Variants in ZNF827 observed in about 807,000 individuals in gnomAD.
The protein encoded by ZNF827 is zinc finger protein 827.
ZNF827 carries 13 observed loss-of-function variants against 102.4 expected under a neutral mutation model. That is an observed-to-expected ratio of 0.13 (90% CI 0.08 to 0.20). The LOEUF (loss-of-function observed/expected upper bound fraction) is 0.20. Ranked by LOEUF, ZNF827 falls within the 10% of genes least tolerant of loss-of-function variation. The probability of loss-of-function intolerance (pLI) is 1.00; values close to 1 mark genes in which losing one functional copy is unlikely to be tolerated. For synonymous variants in ZNF827, 523 were observed against 536.2 expected (o/e 0.98, Z 0.34); for missense variants, 1,103 against 1,344.4 (o/e 0.82, Z 2.81).
intron 13 of ZNF827, among the ~76,000 whole-genome samples, chr4:145,764,394 A>G (rs1188365924): frequency 6.6e-6 from 1 of 152,224 alleles, no homozygotes; most frequent in Non-Finnish European, 1.5e-5. Context: ...GATTGGTCTC[A>G]CTTGAGACCA....
At chr4:145,876,561 C>G (rs1749170846) in intron 4 of ZNF827, 1 of 152,166 alleles carries the variant, frequency 6.6e-6, no homozygotes, top group Non-Finnish European at 1.5e-5. Flanking sequence ...GGGTAACACA[C>G]CAAGTATTTA....
At chr4:145,937,677 G>T (rs1237717769) in intron 1 of ZNF827, among the ~76,000 whole-genome samples, 2 of 94,332 alleles carry the variant, frequency 2.1e-5, no homozygotes, top group Non-Finnish European at 4.3e-5. Context: ...AGCCGCTCCC[G>T]CCTCGCCCGC....
intron 3 of ZNF827, among the ~76,000 whole-genome samples, chr4:145,889,671 A>C (rs1467996839): frequency 1.3e-5 from 2 of 151,756 alleles, no homozygotes; most frequent in Admixed American, 1.3e-4. Context: ...TCTTAGGCAG[A>C]ATTCATTAAG....
rs564448625 is a variant in ZNF827 at position 145,853,745 on chromosome 4, G to T, written c.1982-4184C>A. On this transcript the variant is annotated intron_variant, in intron 5 of 14. Coordinates refer to ENST00000508784, the MANE Select transcript of ZNF827 (RefSeq NM_001306215.2). ...TTCAGGAGGCTGAGGTGTATGGATT[G>T]CATGAACCCAGCAGTTTGGAGACCA... 3.9e-5 allele frequency among the ~76,000 whole-genome samples: 6 copies of T among 152,266 alleles called. No homozygotes were observed. In the South Asian group the frequency reaches 1.2e-3, roughly 32 times the overall value.
intron 1 of ZNF827, among the ~76,000 whole-genome samples, chr4:145,936,200 C>T (rs1057242898): frequency 6.6e-6 from 1 of 151,852 alleles, no homozygotes; most frequent in South Asian, 2.1e-4. Flanking sequence ...GACAAGAGCC[C>T]GGCAGCGGGG....
intron 8 of ZNF827, among the ~76,000 whole-genome samples, chr4:145,780,147 C>T (rs774971671): frequency 5.3e-5 from 8 of 152,076 alleles, no homozygotes; most frequent in Non-Finnish European, 1.0e-4. Flanking sequence ...GCTGAGATCA[C>T]GCCACTGCAC....
At chr4:145,859,793 C>T (rs1486434220) in intron 5 of ZNF827, among the ~76,000 whole-genome samples, 3 of 152,134 alleles carry the variant, frequency 2.0e-5, no homozygotes, top group African/African-American at 7.2e-5. Context: ...ACCCTAGTCA[C>T]TGAACACTCA....
intron 3 of ZNF827, among the ~76,000 whole-genome samples, chr4:145,890,424 C>T (rs1454332720): frequency 2.6e-5 from 4 of 152,130 alleles, no homozygotes; most frequent in Non-Finnish European, 5.9e-5. Context: ...CATGGCCGGC[C>T]GTCTGTGTCA....
At position 145,848,055 on chromosome 4, in the gene ZNF827, A is replaced by C. The variant is rs1746154696; in HGVS notation, c.2221+1267T>G. On this transcript the variant is annotated intron_variant, in intron 6 of 14. Coordinates refer to ENST00000508784, the MANE Select transcript of ZNF827 (RefSeq NM_001306215.2). The stretch of plus-strand genomic sequence containing the variant: ...ACCCAAACTTTTTAGCTGATAGGAG[A>C]CTGCGACAGCATACGGTTTAGAGAG... 6.6e-5 allele frequency among the ~76,000 whole-genome samples: 10 copies of C among 152,162 alleles called. 1 individual carries two copies. Among genetic ancestry groups the C allele is most frequent in the Admixed American group, 6.5e-4 (10 of 15,276 alleles).
chr4:145,878,750 CGGAAGGAA>C (rs996501573), intron 4 of ZNF827, among the ~76,000 whole-genome samples: 5 of 95,858 alleles, frequency 5.2e-5, no homozygotes, highest in African/African-American at 7.7e-5. Context: ...GGAGGAAGGG[CGGAAGGAA>C]GGAAGGAAGG....
chr4:145,826,063 C>T (rs949568577), intron 7 of ZNF827, among the ~76,000 whole-genome samples: 6 of 152,160 alleles, frequency 3.9e-5, no homozygotes, highest in Non-Finnish European at 5.9e-5. Context: ...AACAGGGAAT[C>T]GGTCTCAGAC....
chr4:145,885,937 C>G lies in ZNF827; in HGVS notation c.1488G>C (p.Glu496Asp). ...LGQQREGGGT[E>D]LVGTMMTSNT... The stretch of plus-strand genomic sequence containing the variant: ...TAGACGTCATCATGGTCCCCACTAG[C>G]TCTGTCCCTCCTCCTTCCCTTTGCT... Residue 496 changes from glutamate to aspartate, a missense_variant, in exon 4 of 15, where the codon GAG (glutamate) becomes GAC (aspartate). Coordinates refer to ENST00000508784, the MANE Select transcript of ZNF827 (RefSeq NM_001306215.2). 1.2e-6 allele frequency: 2 copies of G among 1,614,174 alleles called. No individual in the cohort carries two copies. The highest frequency in any genetic ancestry group is 1.7e-6 in the Non-Finnish European group (2 of 1,180,018).
Position 145,915,142 on chromosome 4 carries a change from A to G in ZNF827, c.44-11927T>C, listed in dbSNP as rs574549356. ...GCAAGAGCAAGAGATGGCCAAATTC[A>G]CTTTTATAAAAACTCATTCTCTTGG... On this transcript the variant is annotated intron_variant, in intron 1 of 14. Coordinates refer to ENST00000508784, the MANE Select transcript of ZNF827 (RefSeq NM_001306215.2). 5.3e-5 allele frequency among the ~76,000 whole-genome samples: 8 copies of G among 152,216 alleles called. No homozygotes were observed. The East Asian group carries it at 1.5e-3, about 29-fold the overall frequency.
chr4:145,822,028 G>A (rs1743190556), intron 8 of ZNF827, among the ~76,000 whole-genome samples: 2 of 152,086 alleles, frequency 1.3e-5, no homozygotes, highest in Non-Finnish European at 2.9e-5. Context: ...TTAACAGCAG[G>A]GCAATAATTT....
At chr4:145,915,809 T>C (rs1041182596) in intron 1 of ZNF827, among the ~76,000 whole-genome samples, 4 of 152,304 alleles carry the variant, frequency 2.6e-5, no homozygotes, top group Admixed American at 1.3e-4. Flanking sequence ...CAAATTTCCC[T>C]CCAGCTGTAA....
intron 8 of ZNF827, among the ~76,000 whole-genome samples, chr4:145,780,099 G>A (rs369402702): frequency 1.2e-4 from 18 of 152,316 alleles, no homozygotes; most frequent in African/African-American, 4.1e-4. Context: ...GCTGAGGCAC[G>A]AGAATCGCTT....
chr4:145,907,205 T>C (rs1751938434), intron 1 of ZNF827: 1 of 456,530 alleles, frequency 2.2e-6, no homozygotes, highest in Admixed American at 2.3e-5. Context: ...CCACTTTTTT[T>C]TTCTTCTTTT....
chr4:145,777,988 G>A (rs1388710828), intron 9 of ZNF827, among the ~76,000 whole-genome samples: 2 of 152,030 alleles, frequency 1.3e-5, no homozygotes, highest in Non-Finnish European at 2.9e-5. Flanking sequence ...CTCAGAGAAT[G>A]TGACCTTATA....
At chr4:145,806,147 C>CTT (rs11364915) in intron 8 of ZNF827, among the ~76,000 whole-genome samples, 1 of 77,360 alleles carries the variant, frequency 1.3e-5, no homozygotes, top group Non-Finnish European at 2.4e-5. Context: ...AATAAATGAA[C>CTT]TTTTTTTTTT....
Sources: allele counts gnomAD v4.1 joint callset (sites outside exome capture counted in the v4.1 genomes callset), GRCh38; gene constraint gnomAD v4.1.1; transcripts MANE v1.5; gene names NCBI Gene and HGNC (gene_info 2026-07-23, HGNC 2026-07-21).